Variants in NF1 observed in about 807,000 individuals in gnomAD.
NF1 encodes neurofibromin 1, also known as neurofibromin.
A neutral mutation model predicts 325.7 loss-of-function variants in NF1; 122 were observed. The ratio of observed to expected loss-of-function variants is 0.37; its 90% confidence interval spans 0.32 to 0.44. The LOEUF (loss-of-function observed/expected upper bound fraction) is 0.44, where lower values mean the gene tolerates loss of function less well. NF1 is among the 20% of genes least tolerant of loss of function. The pLI, the probability that NF1 is intolerant of heterozygous loss-of-function variation, is 1.00. For synonymous variants in NF1, 1,091 were observed against 1,186.0 expected (o/e 0.92, Z 1.65); for missense variants, 2,140 against 3,415.4 (o/e 0.63, Z 9.31).
rs8072417 is a variant in NF1 at position 31,261,672 on chromosome 17, A to G, written c.4578-39A>G. 2,933 of 1,611,076 alleles carry G rather than the reference A, an allele frequency of 1.8e-3. 47 individuals carry two copies. In the African/African-American group the frequency reaches 0.033, roughly 18 times the overall value. ...AAAGAAATGTGTAGTGCTAAATGTGAACTGCTAATTTTTTTTCTAAGTAGT... is the reference window on the plus strand; with the variant it reads ...AAAGAAATGTGTAGTGCTAAATGTGGACTGCTAATTTTTTTTCTAAGTAGT... On this transcript the variant is annotated intron_variant, in intron 34 of 57. Transcript: ENST00000358273.
rs182820513 is a variant in NF1, at chr17:31,296,593, T to C, written c.4836-29227T>C. The C allele has an allele frequency of 1.9e-3, 869 of 457,058 alleles. 7 individuals carry two copies. Among genetic ancestry groups the C allele is most frequent in the African/African-American group, 0.016 (791 of 50,804 alleles). The allele number at this position is 457,058 out of a possible 1,614,324, so 28.3% of individuals were successfully genotyped here. On this transcript the variant is annotated intron_variant, in intron 36 of 57. Coordinates refer to ENST00000358273, the MANE Select transcript of NF1 (RefSeq NM_001042492.3). ...TTTTCTCCTTTATTTTCTCTCTCCCTCCCCCCTTTTCTAACCATATTCTTT... is the reference window on the plus strand; with the variant it reads ...TTTTCTCCTTTATTTTCTCTCTCCCCCCCCCCTTTTCTAACCATATTCTTT...
At chr17:31,370,888 T>A (rs2070623795) in intron 57 of NF1, among the ~76,000 whole-genome samples, 1 of 152,160 alleles carries the variant, frequency 6.6e-6, no homozygotes, top group Non-Finnish European at 1.5e-5. Context: ...TTTGCCTGAA[T>A]CTTATTTTCT....
chr17:31,336,602 T>A lies in NF1; in HGVS notation c.6148-33T>A. On this transcript the variant is annotated intron_variant, in intron 41 of 57. Coordinates refer to ENST00000358273, the MANE Select transcript of NF1 (RefSeq NM_001042492.3). The surrounding 1 kb of genome is among the most constrained non-coding windows in gnomAD (Gnocchi z 5.5). ...CTAAAACTTTGAGTCCCATGTTTTT[T>A]TTTTTAAAAAAAAAAATCCTGCTTC... is the stretch of plus-strand genomic sequence containing the variant. 1 of 1,536,228 alleles carries A rather than the reference T, an allele frequency of 6.5e-7. No homozygotes were observed. Among genetic ancestry groups the A allele is most frequent in the Non-Finnish European group, 8.7e-7 (1 of 1,151,502 alleles).
At chr17:31,097,730 T>C (rs547615169) in intron 1 of NF1, among the ~76,000 whole-genome samples, 1 of 152,258 alleles carries the variant, frequency 6.6e-6, no homozygotes, top group East Asian at 1.9e-4. Flanking sequence ...AAGGTCTTGC[T>C]CTGTCGCCCA....
intron 11 of NF1, among the ~76,000 whole-genome samples, chr17:31,205,299 T>C (rs894555941): frequency 6.6e-6 from 1 of 152,130 alleles, no homozygotes; most frequent in Non-Finnish European, 1.5e-5. Context: ...CCCTCTTATC[T>C]ACAATTTGAA....
At chr17:31,097,162 G>A (rs1911803378) in intron 1 of NF1, among the ~76,000 whole-genome samples, 1 of 152,132 alleles carries the variant, frequency 6.6e-6, no homozygotes, top group Non-Finnish European at 1.5e-5. Flanking sequence ...ATACTTAAGA[G>A]AGGAATGATT....
intron 36 of NF1, among the ~76,000 whole-genome samples, chr17:31,307,403 G>A (rs1035917222): frequency 1.1e-4 from 17 of 152,224 alleles, no homozygotes; most frequent in Middle Eastern, 3.2e-3. Flanking sequence ...AGGCTTCAGT[G>A]AAGTAAAGCT....
intron 57 of NF1, among the ~76,000 whole-genome samples, chr17:31,365,997 C>T (rs773188686): frequency 2.7e-5 from 4 of 149,344 alleles, no homozygotes; most frequent in Non-Finnish European, 5.9e-5. Context: ...TGCAGTGGCA[C>T]GATCTCAGCT....
At position 31,095,253 on chromosome 17, in the gene NF1, C is replaced by G; in HGVS notation, c.-57C>G. Reference sequence around the variant, plus strand: ...TCAGCCTCCGCTCCCCGCCCTCTTCCCGGCCCAGGGCGCCGGCCCACCCTT... The same window carrying G: ...TCAGCCTCCGCTCCCCGCCCTCTTCGCGGCCCAGGGCGCCGGCCCACCCTT... On this transcript the variant is annotated 5_prime_UTR_variant, in exon 1 of 58. Coordinates refer to ENST00000358273, the MANE Select transcript of NF1 (RefSeq NM_001042492.3). 1.3e-6 allele frequency: 2 copies of G among 1,508,852 alleles called. No homozygotes were observed. The highest frequency in any genetic ancestry group is 2.0e-5 in the Admixed American group (1 of 50,940). The allele number at this position is 1,508,852 out of a possible 1,614,324, so 93.5% of individuals were successfully genotyped here.
intron 4 of NF1, among the ~76,000 whole-genome samples, chr17:31,167,584 A>G (rs2065865653): frequency 6.6e-6 from 1 of 152,180 alleles, no homozygotes; most frequent in Non-Finnish European, 1.5e-5. Flanking sequence ...AAAGTTTACA[A>G]TTTAATTGTG....
At chr17:31,255,056 G>C (rs2067559283) in intron 31 of NF1, among the ~76,000 whole-genome samples, 1 of 152,174 alleles carries the variant, frequency 6.6e-6, no homozygotes, top group Non-Finnish European at 1.5e-5. Context: ...ATATAGCTGT[G>C]TAGTCACATT....
At chr17:31,330,249 T>C in intron 38 of NF1, 47 bp from the exon 39 acceptor site, 1 of 1,577,226 alleles carries the variant, frequency 6.3e-7, no homozygotes, top group Non-Finnish European at 8.7e-7. Flanking sequence ...TTTGGAACTA[T>C]AAGGAAAAAT....
chr17:31,358,208 A>ATGGT, intron 54 of NF1: 1 of 488,772 alleles, frequency 2.0e-6, no homozygotes, highest in African/African-American at 1.9e-5. Context: ...TTTACCGTAT[A>ATGGT]TGGTTACACA....
rs142867979 is a variant in NF1 at position 31,327,611 on chromosome 17, T to G, written c.5381T>G (p.Val1794Gly). 6.2e-7 allele frequency: 1 copy of G among 1,614,048 alleles called. No homozygotes were observed. Among genetic ancestry groups the G allele is most frequent in the Non-Finnish European group, 8.5e-7 (1 of 1,180,030 alleles). Residue 1794 changes from valine (V) to glycine (G), a missense_variant, in exon 38 of 58, where the codon GTA becomes GGA. Around this residue, in one of 10 missense-constraint regions of NF1, gnomAD observed 147 missense variants for 186.7 expected, o/e 0.79. Transcript: ENST00000358273. ...TCGGAAATTGAAGAAATCTGCCTAGTAGATGAGAACCAGTTCACCTTAACC... is the reference window on the plus strand; with the variant it reads ...TCGGAAATTGAAGAAATCTGCCTAGGAGATGAGAACCAGTTCACCTTAACC... Reference protein sequence around the residue: ...YASEIEEICLVDENQFTLTIA... With the variant: ...YASEIEEICLGDENQFTLTIA...
chr17:31,175,345 C>CTTTTT (rs869113407), intron 5 of NF1, among the ~76,000 whole-genome samples: 66 of 71,332 alleles, frequency 9.3e-4, no homozygotes, highest in African/African-American at 1.8e-3. Context: ...TGTGCTTTTG[C>CTTTTT]TTTTTTTTTT....
intron 8 of NF1, among the ~76,000 whole-genome samples, chr17:31,189,083 T>G (rs2143820020): frequency 6.6e-6 from 1 of 152,326 alleles, no homozygotes; most frequent in South Asian, 2.1e-4. Flanking sequence ...AGCTATAGAT[T>G]CAGTAGTACT....
chr17:31,222,695 A>G (rs563448695), intron 15 of NF1: 157 of 227,690 alleles, frequency 6.9e-4, no homozygotes, highest in Non-Finnish European at 1.1e-3. Context: ...CTATAATTTC[A>G]ACATGTAATC....
chr17:31,266,556 G>C (rs1000611300), intron 36 of NF1, among the ~76,000 whole-genome samples: 10 of 152,106 alleles, frequency 6.6e-5, no homozygotes, highest in African/African-American at 1.2e-4. Context: ...GTTTGCGTTT[G>C]AGATGAACCA....
intron 36 of NF1, among the ~76,000 whole-genome samples, chr17:31,269,060 G>A (rs1178049980): frequency 4.0e-5 from 6 of 151,688 alleles, no homozygotes. Context: ...TACGTACCTT[G>A]GCAATGTCTT....
Sources: gnomAD v4.1 joint callset for allele counts (sites outside exome capture counted in the v4.1 genomes callset) on GRCh38, gnomAD v4.1.1 for gene constraint, gnomAD v4.1.1 regional missense constraint, Gnocchi (gnomAD v3.1) non-coding constraint, MANE v1.5 for transcripts, NCBI Gene and HGNC (gene_info 2026-07-23, HGNC 2026-07-21) for gene names.